Variants in PMP22 observed in about 807,000 individuals in gnomAD.
PMP22 encodes the protein peripheral myelin protein 22.
A neutral mutation model predicts 18.9 loss-of-function variants in PMP22; 2 were observed. The ratio of observed to expected loss-of-function variants is 0.11; its 90% CI spans 0.04 to 0.33. PMP22 has a LOEUF of 0.33. PMP22 is among the 10% of genes least tolerant of loss of function. PMP22 has a pLI of 1.00. For missense variants in PMP22, 169 were observed against 202.2 expected (o/e 0.84, Z 1.00); for synonymous variants, 95 against 89.2 (o/e 1.07, Z -0.37).
At chr17:15,262,600 T>G (rs1416887604) in intron 1 of PMP22, 1 of 152,178 alleles carries the variant, frequency 6.6e-6, no homozygotes, top group Non-Finnish European at 1.5e-5. Context: ...ACGCCCTGTT[T>G]GCGTCGCTGC....
chr17:15,260,611 G>A, intron 2 of PMP22, 39 bp downstream of exon 2: 1 of 1,513,046 alleles, frequency 6.6e-7, no homozygotes, highest in Non-Finnish European at 9.0e-7. Context: ...AGATGGGGAA[G>A]GGCGGGCCGC....
At chr17:15,238,264 T>G (rs1453395569) in intron 4 of PMP22, among the ~76,000 whole-genome samples, 1 of 152,140 alleles carries the variant, frequency 6.6e-6, no homozygotes, top group African/African-American at 2.4e-5. Flanking sequence ...GGTTAATCAT[T>G]TACTTCCTTT....
At chr17:15,249,989 C>T (rs1349943353) in intron 3 of PMP22, among the ~76,000 whole-genome samples, 1 of 152,176 alleles carries the variant, frequency 6.6e-6, no homozygotes, top group African/African-American at 2.4e-5. Flanking sequence ...GATCTCGGCT[C>T]ACTGCAAGCT....
intron 4 of PMP22, chr17:15,235,194 A>G: frequency 2.8e-6 from 2 of 717,386 alleles, no homozygotes; most frequent in East Asian, 2.7e-5. Context: ...AACAATAACA[A>G]AAAGAGAGAG....
chr17:15,257,515 G>C (rs1486923999), intron 3 of PMP22, among the ~76,000 whole-genome samples: 1 of 152,204 alleles, frequency 6.6e-6, no homozygotes, highest in Non-Finnish European at 1.5e-5. Flanking sequence ...GTCACTACTT[G>C]TAACCACCAG....
intron 3 of PMP22, among the ~76,000 whole-genome samples, chr17:15,241,639 A>G (rs577550940): frequency 7.9e-5 from 12 of 151,434 alleles, no homozygotes; most frequent in African/African-American, 2.7e-4. Flanking sequence ...AAATCTATAT[A>G]AACAGAAAGT....
Position 15,260,475 on chromosome 17 carries a change from T to G in PMP22, c.78+175A>C, listed in dbSNP as rs1174446471. 2.2e-5 allele frequency: 15 copies of G among 677,746 alleles called. No individual in the cohort carries two copies. The East Asian group carries it at 4.1e-4, about 19-fold the overall frequency. 42.0% of individuals were successfully genotyped at this position (677,746 alleles called of 1,614,324 possible). A position where few individuals can be genotyped will look rare whatever the true frequency, so the allele number is the denominator to read the frequency against. ...CTCGCTTGGTTCCTATCACTGAATC[T>G]GCTCTCGTTTTCTCAAAGCAACTGG... On this transcript the variant is annotated intron_variant, in intron 2 of 4. Coordinates refer to ENST00000312280, the MANE Select transcript of PMP22 (RefSeq NM_000304.4).
chr17:15,246,319 G>A, intron 3 of PMP22, among the ~76,000 whole-genome samples: 1 of 152,212 alleles, frequency 6.6e-6, no homozygotes, highest in East Asian at 1.9e-4. Context: ...AGATGTAAAT[G>A]AGTGGGTGTG....
At chr17:15,237,011 A>G (rs1382157726) in intron 4 of PMP22, among the ~76,000 whole-genome samples, 1 of 152,242 alleles carries the variant, frequency 6.6e-6, no homozygotes, top group East Asian at 1.9e-4. Flanking sequence ...GGACCAACAG[A>G]TAACTGAAAA....
At chr17:15,236,607 C>G (rs1906842134) in intron 4 of PMP22, among the ~76,000 whole-genome samples, 3 of 150,770 alleles carry the variant, frequency 2.0e-5, no homozygotes, top group African/African-American at 7.3e-5. Context: ...TGACTACTTC[C>G]TTGATGTTAA....
intron 1 of PMP22, 133 bp from the exon 2 acceptor site, chr17:15,260,894 G>T: frequency 2.0e-6 from 1 of 496,388 alleles, no homozygotes; most frequent in Non-Finnish European, 3.4e-6. Context: ...GCCCGCGCGG[G>T]TCAGGAGCCT....
At chr17:15,251,740 C>T (rs3826362) in intron 3 of PMP22, 11,059 of 151,914 alleles carry the variant, frequency 0.073, 495 homozygotes, top group East Asian at 0.16. Flanking sequence ...AGCCTTCTCT[C>T]GGGCACCAAA....
chr17:15,237,504 G>C (rs1234856986), intron 4 of PMP22, among the ~76,000 whole-genome samples: 4 of 152,174 alleles, frequency 2.6e-5, no homozygotes, highest in Non-Finnish European at 5.9e-5. Flanking sequence ...TGGAACTTCA[G>C]AATAATACAT....
intron 1 of PMP22, 186 bp from the exon 2 acceptor site, chr17:15,260,947 G>T (rs1909287574): frequency 2.6e-6 from 1 of 377,896 alleles, no homozygotes; most frequent in Non-Finnish European, 4.6e-6. Context: ...CCGCCTGCAG[G>T]ACCAGCGCCC....
At position 15,230,906 on chromosome 17, in the gene PMP22, G is replaced by C. The variant is rs772282020; in HGVS notation, c.*11C>G. On this transcript the variant is annotated 3_prime_UTR_variant, in exon 5 of 5. Transcript: ENST00000312280. ...GTACGCTCAGAGCCTCAGACAGACC[G>C]TCTGGGCGCCTCATTCGCGTTTCCG... is the stretch of plus-strand genomic sequence containing the variant. 3.1e-6 allele frequency: 5 copies of C among 1,613,540 alleles called. No homozygotes were observed. Among genetic ancestry groups the C allele is most frequent in the Admixed American group, 3.3e-5 (2 of 60,030 alleles).
In PMP22 at chr17:15,245,884, G is replaced by A. The variant is rs1040910664; in HGVS notation, c.179-6273C>T. On this transcript the variant is annotated intron_variant, in intron 3 of 4. Coordinates refer to ENST00000312280, the MANE Select transcript of PMP22 (RefSeq NM_000304.4). ...AAAAATTAGCCGGGCGTGGTGGCGG[G>A]CGCCTGTAGTCCCAGCTACTCTGGA... 2.0e-5 allele frequency among the ~76,000 whole-genome samples: 3 copies of A among 152,130 alleles called. No individual in the cohort carries two copies. In the East Asian group the frequency reaches 5.8e-4, roughly 29 times the overall value.
chr17:15,260,353 A>C (rs1434120113), intron 2 of PMP22: 1 of 453,644 alleles, frequency 2.2e-6, no homozygotes, highest in Non-Finnish European at 4.0e-6. Flanking sequence ...GAAAAAAAAA[A>C]GTTAAACAAT....
Position 15,258,739 on chromosome 17 carries a change from C to T in PMP22, c.178+355G>A, listed in dbSNP as rs571990021. 6 of 358,028 alleles carry T rather than the reference C, an allele frequency of 1.7e-5. No individual in the cohort carries two copies. In the East Asian group the frequency reaches 2.1e-4, roughly 12 times the overall value. The allele number at this position is 358,028 out of a possible 1,614,324, so 22.2% of individuals were successfully genotyped here. On this transcript the variant is annotated intron_variant, in intron 3 of 4. Coordinates refer to ENST00000312280, the MANE Select transcript of PMP22 (RefSeq NM_000304.4). This position sits in a 1 kb window ranked among gnomAD's most constrained non-coding sequence, Gnocchi z 4.1. ...AGACAGCCACCAAACCAAAGATACACGTTTGATCCAATGTCCCAAGGGGGT... is the reference window on the plus strand; with the variant it reads ...AGACAGCCACCAAACCAAAGATACATGTTTGATCCAATGTCCCAAGGGGGT...
At chr17:15,263,494 G>T (rs1477370874) in intron 1 of PMP22, among the ~76,000 whole-genome samples, 3 of 152,064 alleles carry the variant, frequency 2.0e-5, no homozygotes, top group Non-Finnish European at 4.4e-5. Flanking sequence ...ACTCCCGTGC[G>T]CAGGCCAGCC....
Sources: allele counts gnomAD v4.1 joint callset (sites outside exome capture counted in the v4.1 genomes callset), GRCh38; gene constraint gnomAD v4.1.1; non-coding constraint Gnocchi (gnomAD v3.1); transcripts MANE v1.5; gene names NCBI Gene and HGNC (gene_info 2026-07-23, HGNC 2026-07-21).